COL5A2: variants seen among roughly 807,000 people sequenced by gnomAD.
COL5A2 encodes the protein collagen alpha-2(V) chain.
COL5A2 carries 23 observed loss-of-function variants against 208.2 expected under a neutral mutation model. That is an observed-to-expected ratio of 0.11 (90% CI 0.08 to 0.16). The LOEUF (loss-of-function observed/expected upper bound fraction) is 0.16, where lower values mean the gene tolerates loss of function less well. Among genes scored for constraint, COL5A2 ranks in the 10% least tolerant of loss-of-function variants. The pLI, the probability that COL5A2 is intolerant of heterozygous loss-of-function variation, is 1.00. For synonymous variants in COL5A2, 625 were observed against 628.5 expected, an observed-to-expected ratio of 0.99 and a Z score of 0.08; for missense variants, 1,590 against 1,956.4, an observed-to-expected ratio of 0.81 and a Z score of 3.53.
At chr2:189,150,153 C>A (rs2037171) in intron 1 of COL5A2, among the ~76,000 whole-genome samples, 1 of 152,162 alleles carries the variant, frequency 6.6e-6, no homozygotes. Flanking sequence ...TGTGCCTTCA[C>A]GAATCAAACT....
chr2:189,255,204 A>C, the COL5A2 span, among the ~76,000 whole-genome samples: 6 of 152,264 alleles, frequency 3.9e-5, no homozygotes, highest in Non-Finnish European at 7.3e-5. Context: ...CAGAATGTGT[A>C]GTTAATTTAA....
chr2:189,072,237 A>C, intron 17 of COL5A2, 144 bp from the exon 18 acceptor site: 1 of 650,888 alleles, frequency 1.5e-6, no homozygotes, highest in Non-Finnish European at 2.8e-6. Flanking sequence ...TAATAGGCTA[A>C]TTTCATTATA....
the COL5A2 span, among the ~76,000 whole-genome samples, chr2:189,262,667 C>G: frequency 6.6e-6 from 1 of 151,958 alleles, no homozygotes; most frequent in African/African-American, 2.4e-5. Flanking sequence ...TTTTAAATCC[C>G]TATATTGTTC....
At chr2:189,138,030 A>T (rs1687858566) in intron 1 of COL5A2, among the ~76,000 whole-genome samples, 1 of 152,182 alleles carries the variant, frequency 6.6e-6, no homozygotes, top group Non-Finnish European at 1.5e-5. Flanking sequence ...GCTGGAGTGC[A>T]GTGGCATGAT....
the COL5A2 span, among the ~76,000 whole-genome samples, chr2:189,398,698 C>T: frequency 6.6e-6 from 1 of 152,238 alleles, no homozygotes; most frequent in Admixed American, 6.5e-5. Flanking sequence ...TTTATCTTTG[C>T]ATCCAGTCTT....
intron 1 of COL5A2, among the ~76,000 whole-genome samples, chr2:189,170,181 C>T (rs542815160): frequency 6.6e-6 from 1 of 152,012 alleles, no homozygotes; most frequent in East Asian, 1.9e-4. Flanking sequence ...AACTGTAACA[C>T]AGAGAAATAA....
At chr2:189,114,680 G>A (rs1010425794) in intron 1 of COL5A2, among the ~76,000 whole-genome samples, 39 of 150,938 alleles carry the variant, frequency 2.6e-4, no homozygotes, top group African/African-American at 9.0e-4. Flanking sequence ...TATTGGGGCC[G>A]GTCAGGGAGT....
chr2:189,252,336 A>G, the COL5A2 span, among the ~76,000 whole-genome samples: 1 of 152,222 alleles, frequency 6.6e-6, no homozygotes. Context: ...GGCACTATTC[A>G]CAATAGCAAA....
chr2:189,195,817 C>T (rs150353327), intron 1 of COL5A2, among the ~76,000 whole-genome samples: 12 of 151,288 alleles, frequency 7.9e-5, no homozygotes, highest in African/African-American at 1.4e-4. Context: ...AATTAACTCT[C>T]GATAGATTAA....
At position 189,039,442 on chromosome 2, in the gene COL5A2, G is replaced by A; in HGVS notation, c.3755C>T (p.Thr1252Ile). 1 of 1,614,098 alleles carries A rather than the reference G, an allele frequency of 6.2e-7. No homozygotes were observed. The highest frequency in any genetic ancestry group is 8.5e-7 in the Non-Finnish European group (1 of 1,180,018). Residue 1252 changes from threonine (T) to isoleucine (I), a missense_variant, in exon 51 of 54, where the codon ACT (threonine) becomes ATT (isoleucine). Coordinates refer to ENST00000374866, the MANE Select transcript of COL5A2 (RefSeq NM_000393.5). The stretch of plus-strand genomic sequence containing the variant: ...GTCATCAGGAGCCGCCTGATCTTCA[G>A]TAAACTCAGGAAGTGGATCTGGCAT... ...ESMPDPLPEFTEDQAAPDDKN... is the reference protein window; with the variant it reads ...ESMPDPLPEFIEDQAAPDDKN...
the COL5A2 span, among the ~76,000 whole-genome samples, chr2:189,233,052 T>C: frequency 6.6e-5 from 10 of 151,758 alleles, no homozygotes; most frequent in Admixed American, 5.3e-4. Context: ...AGCAGCTGGA[T>C]TTCTAGTATA....
chr2:189,068,155 T>G, intron 20 of COL5A2, 42 bp from the exon 21 acceptor site: 6 of 1,601,360 alleles, frequency 3.7e-6, no homozygotes, highest in Non-Finnish European at 5.1e-6. Context: ...GAGACACAGG[T>G]AGCAGTCTGG....
At position 189,058,415 on chromosome 2, in the gene COL5A2, A is replaced by G; in HGVS notation, c.2229+14T>C. On this transcript the variant is annotated intron_variant, in intron 33 of 53. Transcript: ENST00000374866. ...TAAAGCATTTTAAAACACTGAGATC[A>G]CTATGACACTTACTTTTGGGCCATC... 1 of 1,599,548 alleles carries G rather than the reference A, an allele frequency of 6.3e-7. No individual in the cohort carries two copies. Among genetic ancestry groups the G allele is most frequent in the South Asian group, 1.1e-5 (1 of 90,784 alleles).
chr2:189,064,532 T>C (rs1686103657), intron 25 of COL5A2, 25 bp downstream of exon 25: 2 of 1,549,366 alleles, frequency 1.3e-6, no homozygotes, highest in South Asian at 1.1e-5. Context: ...CCCTTTGATG[T>C]AGCAAACACT....
intron 45 of COL5A2, among the ~76,000 whole-genome samples, chr2:189,047,157 T>C (rs1298632146): frequency 6.6e-6 from 1 of 151,984 alleles, no homozygotes; most frequent in Non-Finnish European, 1.5e-5. Context: ...CACTTGTACA[T>C]TTAGAATTTA....
At chr2:189,309,502 A>AT in the COL5A2 span, among the ~76,000 whole-genome samples, 1 of 152,188 alleles carries the variant, frequency 6.6e-6, no homozygotes. Context: ...CAAGGAAATA[A>AT]TCAGGGGAGA....
the COL5A2 span, among the ~76,000 whole-genome samples, chr2:189,375,879 G>T: frequency 2.0e-5 from 3 of 152,356 alleles, no homozygotes; most frequent in African/African-American, 7.2e-5. Flanking sequence ...ATAGTGGAAA[G>T]AAATCTCCAA....
At chr2:189,096,635 A>G (rs1266239030) in intron 6 of COL5A2, among the ~76,000 whole-genome samples, 1 of 151,634 alleles carries the variant, frequency 6.6e-6, no homozygotes, top group African/African-American at 2.4e-5. Context: ...AAAAAAAAAA[A>G]AAAGAAAAAA....
chr2:189,045,994 A>T, intron 45 of COL5A2, 87 bp from the exon 46 acceptor site: 1 of 1,161,156 alleles, frequency 8.6e-7, no homozygotes, highest in Non-Finnish European at 1.3e-6. Context: ...TATAGTATTA[A>T]TAATGGGAAA....
Sources: gnomAD v4.1 joint callset for allele counts (sites outside exome capture counted in the v4.1 genomes callset) on GRCh38, gnomAD v4.1.1 for gene constraint, MANE v1.5 for transcripts, NCBI Gene and HGNC (gene_info 2026-07-23, HGNC 2026-07-21) for gene names.